B4GALT5: variants seen among roughly 807,000 people sequenced by gnomAD.
The protein encoded by B4GALT5 is UDP-Gal:beta-GlcNAc beta-1,4-galactosyltransferase 5.
In B4GALT5, 11 loss-of-function variants were observed where a neutral mutation model predicts 45.0. The observed-to-expected ratio is 0.24, with a 90% CI of 0.15 to 0.40. The LOEUF (loss-of-function observed/expected upper bound fraction) is 0.40, where lower values mean the gene tolerates loss of function less well. Among genes scored for constraint, B4GALT5 ranks in the 10% least tolerant of loss-of-function variants. The probability of loss-of-function intolerance (pLI) is 1.00; values close to 1 mark genes in which losing one functional copy is unlikely to be tolerated. For missense variants in B4GALT5, 337 were observed against 500.2 expected, an observed-to-expected ratio of 0.67 and a Z score of 3.11; for synonymous variants, 185 against 182.9, an observed-to-expected ratio of 1.01 and a Z score of -0.09.
intron 1 of B4GALT5, among the ~76,000 whole-genome samples, chr20:49,690,627 T>TAA (rs949952480): frequency 3.4e-4 from 51 of 152,192 alleles, no homozygotes; most frequent in African/African-American, 1.2e-3. Context: ...AAGCTAAATT[T>TAA]AATACTTACA....
intron 1 of B4GALT5, among the ~76,000 whole-genome samples, chr20:49,686,508 T>C (rs537267292): frequency 1.3e-5 from 2 of 151,970 alleles, no homozygotes; most frequent in East Asian, 3.9e-4. Flanking sequence ...AATTCACAGA[T>C]GGCAAGCCAA....
intron 5 of B4GALT5, among the ~76,000 whole-genome samples, chr20:49,641,785 G>T (rs1161995131): frequency 6.6e-6 from 1 of 152,082 alleles, no homozygotes; most frequent in African/African-American, 2.4e-5. Flanking sequence ...TTTATCTATG[G>T]ATATAGCACC....
At position 49,639,755 on chromosome 20, in the gene B4GALT5, C is replaced by T. The variant is rs2085568166; in HGVS notation, c.840G>A (p.Val280=). The change falls in exon 7 of 9, where the codon GTG becomes GTA. Residue 280 remains valine (V), a synonymous_variant. Transcript: ENST00000371711. ...AGCCATTGATTTTCCGAAATTGTTC[C>T]ACTGTTAAGCCACTCACTCCGCCAA... ...EFFGGVSGLT[V]EQFRKINGFP... 1 of 1,613,502 alleles carries T rather than the reference C, an allele frequency of 6.2e-7. No individual in the cohort carries two copies. Among genetic ancestry groups the T allele is most frequent in the African/African-American group, 1.3e-5 (1 of 74,876 alleles).
At chr20:49,672,246 T>C (rs900791373) in intron 1 of B4GALT5, among the ~76,000 whole-genome samples, 5 of 152,214 alleles carry the variant, frequency 3.3e-5, no homozygotes, top group African/African-American at 1.2e-4. Flanking sequence ...TATCTACTCG[T>C]TGGGAATTTA....
intron 1 of B4GALT5, among the ~76,000 whole-genome samples, chr20:49,693,048 C>G (rs924648937): frequency 6.6e-6 from 1 of 152,106 alleles, no homozygotes; most frequent in African/African-American, 2.4e-5. Flanking sequence ...AGATTTGTAG[C>G]CTACGAATAA....
chr20:49,713,235 C>A (rs1378548196), intron 1 of B4GALT5, among the ~76,000 whole-genome samples: 1 of 150,478 alleles, frequency 6.6e-6, no homozygotes, highest in Non-Finnish European at 1.5e-5. Flanking sequence ...CGGGAGTTCT[C>A]GAGCAGAGGA....
intron 1 of B4GALT5, chr20:49,684,587 C>A (rs1489099950): frequency 1.9e-6 from 1 of 518,648 alleles, no homozygotes; most frequent in Non-Finnish European, 3.8e-6. Context: ...GGTCCCTGAA[C>A]TGAAAGAGGC....
At position 49,643,802 on chromosome 20, in the gene B4GALT5, G is replaced by A. The variant is rs146155749; in HGVS notation, c.365-152C>T. On this transcript the variant is annotated intron_variant, in intron 3 of 8. Transcript: ENST00000371711. ...CCCTTCCTCTGCTTTCCATCTCACC[G>A]TATTTCAGTTCCTCACTATTTTCAA... 614 of 723,772 alleles carry A rather than the reference G, an allele frequency of 8.5e-4. 1 individual carries two copies. Among genetic ancestry groups the A allele is most frequent in the Non-Finnish European group, 1.0e-3 (497 of 473,750 alleles). 44.8% of individuals were successfully genotyped at this position (723,772 alleles called of 1,614,324 possible).
In B4GALT5 at chr20:49,662,031, A is replaced by C. The variant is rs116034671; in HGVS notation, c.116-5329T>G. Among the ~76,000 whole-genome samples, 409 of 152,268 alleles carry C rather than the reference A, an allele frequency of 2.7e-3. 2 individuals carry two copies. Among genetic ancestry groups the C allele is most frequent in the African/African-American group, 9.3e-3 (386 of 41,552 alleles). ...TTAACTGGACAGCTTCCGGGGGCGA[A>C]GGACTGGGTTTCCTGCCCTTCAGCC... On this transcript the variant is annotated intron_variant, in intron 1 of 8. Coordinates refer to ENST00000371711, the MANE Select transcript of B4GALT5 (RefSeq NM_004776.4).
intron 1 of B4GALT5, among the ~76,000 whole-genome samples, 189 bp downstream of exon 1, chr20:49,713,387 G>A (rs2085928230): frequency 6.6e-6 from 1 of 151,818 alleles, no homozygotes; most frequent in Non-Finnish European, 1.5e-5. Flanking sequence ...GAGGGATCCC[G>A]GGCGCCTGTT....
intron 1 of B4GALT5, among the ~76,000 whole-genome samples, chr20:49,674,209 G>A (rs1207156209): frequency 6.4e-5 from 9 of 140,686 alleles, no homozygotes; most frequent in East Asian, 2.1e-4. Context: ...CAGCCTGGGC[G>A]ACAGAGCAAG....
chr20:49,663,047 C>T (rs2085671476), intron 1 of B4GALT5, among the ~76,000 whole-genome samples: 2 of 152,220 alleles, frequency 1.3e-5, no homozygotes, highest in Non-Finnish European at 2.9e-5. Flanking sequence ...TAAACTAGAA[C>T]TGCATGCACC....
Position 49,634,356 on chromosome 20 carries a change from G to C in B4GALT5, c.*1956C>G, listed in dbSNP as rs941600102. 1 of 152,256 alleles carries C rather than the reference G, an allele frequency of 6.6e-6. No individual in the cohort carries two copies. Among genetic ancestry groups the C allele is most frequent in the African/African-American group, 2.4e-5 (1 of 41,268 alleles). 9.4% of individuals were successfully genotyped at this position (152,256 alleles called of 1,614,324 possible). A position where few individuals can be genotyped will look rare whatever the true frequency, so the allele number is the denominator to read the frequency against. Reference sequence around the variant, plus strand: ...CATGTAAACTATGAAAATCAAGGAAGTTGAAGGCAAACAAGGCAATTAAAA... The same window carrying C: ...CATGTAAACTATGAAAATCAAGGAACTTGAAGGCAAACAAGGCAATTAAAA... On this transcript the variant is annotated 3_prime_UTR_variant, in exon 9 of 9. Transcript: ENST00000371711.
Position 49,640,644 on chromosome 20 carries a change from G to A in B4GALT5, c.628C>T (p.Arg210Ter). The change falls in exon 6 of 9, where the codon CGA becomes TGA. Residue 210 changes from arginine (R) to a stop codon, truncating the protein, a stop_gained. Transcript: ENST00000371711. LOFTEE classifies it high-confidence loss of function. Reference sequence around the variant, plus strand: ...AAGCCAACGTTGAAAAGCATGGCTCGATTAAAGGGTTGGGTACCAACCTAA... The same window carrying A: ...AAGCCAACGTTGAAAAGCATGGCTCAATTAAAGGGTTGGGTACCAACCTAA... ...VEQVGTQPFN[R>*]AMLFNVGFQE... The A allele has an allele frequency of 6.2e-7, 1 of 1,611,134 alleles. No individual in the cohort carries two copies. Among genetic ancestry groups the A allele is most frequent in the South Asian group, 1.1e-5 (1 of 90,202 alleles).
Position 49,707,561 on chromosome 20 carries a change from T to C in B4GALT5, c.115+6015A>G, listed in dbSNP as rs369267676. ...ACACTTGAATGGGGAAAATCTGAAA[T>C]TTTCATGTGGTTATTAGGAAAAGTT... is the stretch of plus-strand genomic sequence containing the variant. On this transcript the variant is annotated intron_variant, in intron 1 of 8. Transcript: ENST00000371711. Among the ~76,000 whole-genome samples the C allele has an allele frequency of 6.6e-5, 10 of 151,960 alleles. No homozygotes were observed. The South Asian group carries it at 1.9e-3, about 28-fold the overall frequency.
chr20:49,703,723 T>C (rs8184145), intron 1 of B4GALT5, among the ~76,000 whole-genome samples: 17,730 of 57,166 alleles, frequency 0.31, 1,269 homozygotes, highest in East Asian at 0.41. Context: ...GCCGCATTTC[T>C]ACTAAAAAAA....
chr20:49,635,197 T>A lies in B4GALT5; in HGVS notation c.*1115A>T, dbSNP rs927110647. The A allele has an allele frequency of 6.6e-6, 1 of 151,570 alleles. No homozygotes were observed. The highest frequency in any genetic ancestry group is 2.4e-5 in the African/African-American group (1 of 41,154). The allele number at this position is 151,570 out of a possible 1,614,324, so 9.4% of individuals were successfully genotyped here. On this transcript the variant is annotated 3_prime_UTR_variant, in exon 9 of 9. Coordinates refer to ENST00000371711, the MANE Select transcript of B4GALT5 (RefSeq NM_004776.4). The stretch of plus-strand genomic sequence containing the variant: ...TGGCCAAGTTCCACAAGAGAAAAAG[T>A]AAGAGGGGGAGGGATTCCCATACAC...
At chr20:49,693,583 C>T (rs545220517) in intron 1 of B4GALT5, among the ~76,000 whole-genome samples, 2 of 152,268 alleles carry the variant, frequency 1.3e-5, no homozygotes, top group East Asian at 3.9e-4. Context: ...AATAGGGAAG[C>T]TCTCTACATC....
chr20:49,636,791 A>C (rs148826799), intron 8 of B4GALT5, among the ~76,000 whole-genome samples: 2 of 152,218 alleles, frequency 1.3e-5, no homozygotes, highest in Non-Finnish European at 2.9e-5. Context: ...CATTAAAAAT[A>C]CAACAGATGA....
Sources: gnomAD v4.1 joint callset for allele counts (sites outside exome capture counted in the v4.1 genomes callset) on GRCh38, gnomAD v4.1.1 for gene constraint, MANE v1.5 for transcripts, NCBI Gene and HGNC (gene_info 2026-07-23, HGNC 2026-07-21) for gene names.